The following NEO1 variants were observed in gnomAD, a reference collection of about 807,000 sequenced individuals.
NEO1 encodes the protein neogenin.
NEO1 carries 63 observed loss-of-function variants against 159.7 expected under a neutral mutation model. That is an observed-to-expected ratio of 0.39 (90% CI 0.32 to 0.49). NEO1 has a LOEUF of 0.49. Among genes scored for constraint, NEO1 ranks in the 20% least tolerant of loss-of-function variants. The probability of loss-of-function intolerance (pLI) is 0.85; values close to 1 mark genes in which losing one functional copy is unlikely to be tolerated. For synonymous variants in NEO1, 633 were observed against 662.0 expected (o/e 0.96, Z 0.67); for missense variants, 1,615 against 1,831.0 (o/e 0.88, Z 2.15).
At chr15:73,288,149 CTT>C (rs913696877) in intron 23 of NEO1, among the ~76,000 whole-genome samples, 162 bp from the exon 24 acceptor site, 22 of 151,728 alleles carry the variant, frequency 1.4e-4, no homozygotes, top group Admixed American at 7.2e-4. Flanking sequence ...CAGGAGCAAA[CTT>C]GTTGTTGTTG....
Position 73,236,382 on chromosome 15 carries a change from C to T in NEO1, c.1327C>T (p.Arg443Trp), listed in dbSNP as rs774025786. 5.6e-6 allele frequency: 9 copies of T among 1,614,148 alleles called. No individual in the cohort carries two copies. Among genetic ancestry groups the T allele is most frequent in the Admixed American group, 1.7e-5 (1 of 60,028 alleles). The change falls in exon 8 of 29, where the codon CGG becomes TGG. Residue 443 changes from arginine to tryptophan, a missense_variant. Around this residue, in one of 3 missense-constraint regions of NEO1, gnomAD observed 1,018 missense variants for 1,115.4 expected, o/e 0.91. Transcript: ENST00000261908. Reference protein sequence around the residue: ...ATTGPLPSAPRDVVASLVSTR... With the variant: ...ATTGPLPSAPWDVVASLVSTR... Reference sequence around the variant, plus strand: ...AACGGGACCACTGCCTTCAGCTCCTCGGGATGTCGTGGCCTCCCTGGTCTC... The same window carrying T: ...AACGGGACCACTGCCTTCAGCTCCTTGGGATGTCGTGGCCTCCCTGGTCTC...
intron 5 of NEO1, among the ~76,000 whole-genome samples, chr15:73,144,677 A>G (rs1463514603): frequency 1.3e-5 from 2 of 152,164 alleles, no homozygotes; most frequent in African/African-American, 2.4e-5. Flanking sequence ...AGATTCCCAG[A>G]CCAGACCCCT....
intron 27 of NEO1, among the ~76,000 whole-genome samples, chr15:73,300,457 C>T (rs565886733): frequency 3.9e-5 from 6 of 152,308 alleles, no homozygotes; most frequent in South Asian, 2.1e-4. Context: ...TGGCCGGGCG[C>T]GGTGGCTCAC....
At chr15:73,289,045 GT>G in intron 24 of NEO1, 100 bp from the exon 25 acceptor site, 1 of 840,742 alleles carries the variant, frequency 1.2e-6, no homozygotes. Flanking sequence ...CCATTATGCT[GT>G]TTGTGAATTC....
At position 73,116,768 on chromosome 15, in the gene NEO1, A is replaced by G. The variant is rs561097866; in HGVS notation, c.359A>G (p.Asn120Ser). The change falls in exon 2 of 29, where the codon AAT becomes AGT. Residue 120 changes from asparagine (N) to serine (S), a missense_variant. Transcript: ENST00000261908. ...FISNVVHSKH[N>S]KPDEGYYQCV... ...AGCAATGTGGTGCATTCCAAACACA[A>G]TAAACCTGATGAAGGTTATTATCAG... 30 of 1,614,006 alleles carry G rather than the reference A, an allele frequency of 1.9e-5. No individual in the cohort carries two copies. The highest frequency in any genetic ancestry group is 1.6e-4 in the East Asian group (7 of 44,878).
chr15:73,198,085 T>G (rs971884545), intron 7 of NEO1, among the ~76,000 whole-genome samples: 1 of 152,222 alleles, frequency 6.6e-6, no homozygotes, highest in Non-Finnish European at 1.5e-5. Context: ...CACTTTATAC[T>G]TACTGTCCTT....
intron 1 of NEO1, among the ~76,000 whole-genome samples, chr15:73,110,500 A>T (rs1448582033): frequency 6.6e-6 from 1 of 152,198 alleles, no homozygotes; most frequent in Non-Finnish European, 1.5e-5. Flanking sequence ...CTGGTCACAC[A>T]CAATTAAGAC....
At chr15:73,188,379 T>C (rs1400409922) in intron 7 of NEO1, among the ~76,000 whole-genome samples, 3 of 152,210 alleles carry the variant, frequency 2.0e-5, no homozygotes, top group Non-Finnish European at 4.4e-5. Flanking sequence ...ATATATTGTT[T>C]TGTATCTTGT....
At chr15:73,077,903 G>A (rs1178916256) in intron 1 of NEO1, among the ~76,000 whole-genome samples, 1 of 152,184 alleles carries the variant, frequency 6.6e-6, no homozygotes. Context: ...TGAAGGCTGG[G>A]TACATGGTTC....
chr15:73,184,030 C>A (rs2151980412), intron 7 of NEO1, among the ~76,000 whole-genome samples: 1 of 152,220 alleles, frequency 6.6e-6, no homozygotes, highest in East Asian at 1.9e-4. Flanking sequence ...ATAAGCCCAT[C>A]TATTGAGAGA....
intron 5 of NEO1, among the ~76,000 whole-genome samples, chr15:73,162,535 G>GGT (rs2034264890): frequency 6.6e-6 from 1 of 151,948 alleles, no homozygotes; most frequent in African/African-American, 2.4e-5. Context: ...TGGGGTTATA[G>GGT]GTGTGCGTCA....
At chr15:73,251,513 CAAA>C (rs35979398) in intron 11 of NEO1, among the ~76,000 whole-genome samples, 17 of 94,400 alleles carry the variant, frequency 1.8e-4, no homozygotes, top group Admixed American at 3.3e-4. Context: ...GAAGCTGTCT[CAAA>C]AAAAAAAAAA....
At chr15:73,230,481 C>G (rs2038846001) in intron 7 of NEO1, among the ~76,000 whole-genome samples, 1 of 152,128 alleles carries the variant, frequency 6.6e-6, no homozygotes, top group Non-Finnish European at 1.5e-5. Flanking sequence ...TTAGGTAATT[C>G]ATTTGAGACC....
At chr15:73,142,644 C>T (rs991963721) in intron 5 of NEO1, among the ~76,000 whole-genome samples, 1 of 152,120 alleles carries the variant, frequency 6.6e-6, no homozygotes, top group African/African-American at 2.4e-5. Flanking sequence ...TAGAGTGGAA[C>T]TGATGGAGGC....
At chr15:73,245,649 A>G (rs1383715469) in intron 9 of NEO1, among the ~76,000 whole-genome samples, 1 of 149,452 alleles carries the variant, frequency 6.7e-6, no homozygotes, top group Non-Finnish European at 1.5e-5. Flanking sequence ...GTCTCTGCTC[A>G]CTGCAAGCTC....
In NEO1 at chr15:73,301,340, C is replaced by G; in HGVS notation, c.4185C>G (p.His1395Gln). The change falls in exon 28 of 29, where the codon CAC becomes CAG. Residue 1395 changes from histidine (H) to glutamine (Q), a missense_variant. By Grantham distance (24) the His-to-Gln change is conservative. Transcript: ENST00000261908. Reference sequence around the variant, plus strand: ...CCTCAGCTCTGAACCATCACATTCACTCAGTGAAGACAGCCTCCATCGGGA... The same window carrying G: ...CCTCAGCTCTGAACCATCACATTCAGTCAGTGAAGACAGCCTCCATCGGGA... ...LSQQALNHHI[H>Q]SVKTASIGTL... The G allele has an allele frequency of 6.2e-7, 1 of 1,614,206 alleles. No individual in the cohort carries two copies. The highest frequency in any genetic ancestry group is 8.5e-7 in the Non-Finnish European group (1 of 1,180,032).
chr15:73,122,923 A>G (rs1206459175), intron 3 of NEO1, 123 bp downstream of exon 3: 1 of 1,213,786 alleles, frequency 8.2e-7, no homozygotes, highest in Non-Finnish European at 1.2e-6. Flanking sequence ...TAATCCCAGC[A>G]CTTTGGGAGG....
chr15:73,249,815 T>C (rs1256609341), intron 11 of NEO1, 94 bp downstream of exon 11: 13 of 1,374,334 alleles, frequency 9.5e-6, no homozygotes, highest in Non-Finnish European at 1.2e-5. Flanking sequence ...GAAGATTCAG[T>C]TCAAATCCCA....
intron 1 of NEO1, among the ~76,000 whole-genome samples, chr15:73,093,445 C>A (rs2069812349): frequency 6.6e-6 from 1 of 152,124 alleles, no homozygotes; most frequent in Non-Finnish European, 1.5e-5. Context: ...TGTCTTTTTT[C>A]TCCATTTAAA....
Sources: gnomAD v4.1 joint callset for allele counts (sites outside exome capture counted in the v4.1 genomes callset) on GRCh38, gnomAD v4.1.1 for gene constraint, gnomAD v4.1.1 regional missense constraint, MANE v1.5 for transcripts, NCBI Gene and HGNC (gene_info 2026-07-23, HGNC 2026-07-21) for gene names.